The following FMN2 variants were observed in gnomAD, a reference collection of about 807,000 sequenced individuals.
FMN2 encodes formin-2.
In FMN2, 51 loss-of-function variants were observed where a neutral mutation model predicts 142.3. That is an observed-to-expected ratio of 0.36 (90% CI 0.29 to 0.45). FMN2 has a LOEUF of 0.45. Among genes scored for constraint, FMN2 ranks in the 20% least tolerant of loss-of-function variants. The pLI, the probability that FMN2 is intolerant of heterozygous loss-of-function variation, is 1.00. For synonymous variants in FMN2, 882 were observed against 869.8 expected (o/e 1.01, Z -0.25); for missense variants, 1,936 against 2,122.8 (o/e 0.91, Z 1.73).
chr1:240,254,116 G>T (rs957825645), intron 6 of FMN2, among the ~76,000 whole-genome samples: 40 of 152,164 alleles, frequency 2.6e-4, no homozygotes, highest in Middle Eastern at 3.2e-3. Context: ...AGCAGTGGAA[G>T]AAGTGGGCTG....
rs191763135 is a variant in FMN2, at chr1:240,131,766, A to G, written c.1782+8421A>G. Among the ~76,000 whole-genome samples the G allele has an allele frequency of 2.2e-3, 336 of 152,278 alleles. 2 individuals carry two copies. Among genetic ancestry groups the G allele is most frequent in the Middle Eastern group, 6.8e-3 (2 of 294 alleles). On this transcript the variant is annotated intron_variant, in intron 2 of 17. Transcript: ENST00000319653. ...AGCACATAGAAAGGCACAGGGGTGCATGTGAGCACAGTTTCTAAGTATTTC... is the reference window on the plus strand; with the variant it reads ...AGCACATAGAAAGGCACAGGGGTGCGTGTGAGCACAGTTTCTAAGTATTTC...
chr1:240,424,898 T>C (rs1276005697), intron 15 of FMN2, among the ~76,000 whole-genome samples: 1 of 152,218 alleles, frequency 6.6e-6, no homozygotes, highest in Non-Finnish European at 1.5e-5. Context: ...AGGCCCCTTG[T>C]TCAGGAGACA....
intron 14 of FMN2, among the ~76,000 whole-genome samples, chr1:240,373,055 A>C (rs1672925718): frequency 6.6e-6 from 1 of 152,026 alleles, no homozygotes; most frequent in Non-Finnish European, 1.5e-5. Flanking sequence ...GTGGTGGTGC[A>C]CACCTGTAAT....
At chr1:240,311,554 A>G (rs1249744543) in intron 8 of FMN2, among the ~76,000 whole-genome samples, 1 of 152,154 alleles carries the variant, frequency 6.6e-6, no homozygotes, top group African/African-American at 2.4e-5. Flanking sequence ...AAAAAAAAAG[A>G]AAAGCTTTGG....
At chr1:240,161,644 A>G (rs1028275133) in intron 2 of FMN2, among the ~76,000 whole-genome samples, 10 of 152,214 alleles carry the variant, frequency 6.6e-5, no homozygotes, top group African/African-American at 2.4e-4. Context: ...AGAAACACAC[A>G]GTGGAACAGA....
chr1:240,255,461 A>G (rs970707875), intron 6 of FMN2, among the ~76,000 whole-genome samples: 13 of 152,154 alleles, frequency 8.5e-5, no homozygotes, highest in South Asian at 2.1e-4. Context: ...TGGGAGATCA[A>G]TCAGAAATCT....
At chr1:240,125,978 G>A (rs1200023860) in intron 2 of FMN2, among the ~76,000 whole-genome samples, 2 of 152,030 alleles carry the variant, frequency 1.3e-5, no homozygotes, top group Non-Finnish European at 2.9e-5. Flanking sequence ...GGCTCTGTAC[G>A]ACCTCTCTAC....
intron 7 of FMN2, among the ~76,000 whole-genome samples, chr1:240,276,273 G>A (rs1669205492): frequency 6.6e-6 from 1 of 152,064 alleles, no homozygotes; most frequent in Non-Finnish European, 1.5e-5. Context: ...GTGAAGAGGT[G>A]GTTTTAACAA....
chr1:240,142,194 T>G (rs1011792955), intron 2 of FMN2, among the ~76,000 whole-genome samples: 3 of 152,100 alleles, frequency 2.0e-5, no homozygotes, highest in Admixed American at 6.5e-5. Flanking sequence ...TTTCTGATAT[T>G]GAGCTTCTCA....
At chr1:240,195,306 A>C (rs887663855) in intron 4 of FMN2, among the ~76,000 whole-genome samples, 1 of 152,196 alleles carries the variant, frequency 6.6e-6, no homozygotes, top group Non-Finnish European at 1.5e-5. Context: ...TCTGTAAATA[A>C]GAGTGTTTTT....
chr1:240,286,617 G>T (rs1669599570), intron 7 of FMN2, among the ~76,000 whole-genome samples: 1 of 151,978 alleles, frequency 6.6e-6, no homozygotes, highest in African/African-American at 2.4e-5. Flanking sequence ...AGTCCTTATG[G>T]GTTTACTTTT....
At chr1:240,117,267 C>T (rs1209892394) in intron 1 of FMN2, among the ~76,000 whole-genome samples, 2 of 152,136 alleles carry the variant, frequency 1.3e-5, no homozygotes, top group Non-Finnish European at 2.9e-5. Flanking sequence ...AAGAACGGGT[C>T]AGGTGGGGAG....
intron 4 of FMN2, among the ~76,000 whole-genome samples, chr1:240,192,663 A>C (rs1486602148): frequency 6.6e-6 from 1 of 152,164 alleles, no homozygotes; most frequent in Non-Finnish European, 1.5e-5. Flanking sequence ...AATCATTCTT[A>C]GGTCCTCAAT....
chr1:240,131,411 G>A (rs1571961080), intron 2 of FMN2, among the ~76,000 whole-genome samples: 1 of 152,152 alleles, frequency 6.6e-6, no homozygotes, highest in East Asian at 1.9e-4. Flanking sequence ...GAACAGCCAT[G>A]AAAGAAGTCT....
At chr1:240,338,771 G>C (rs752184678) in intron 13 of FMN2, among the ~76,000 whole-genome samples, 2 of 152,102 alleles carry the variant, frequency 1.3e-5, no homozygotes, top group African/African-American at 4.8e-5. Context: ...AGGATGATTC[G>C]AGGGCATTAC....
intron 6 of FMN2, chr1:240,235,668 A>G (rs1480847423): frequency 6.6e-6 from 1 of 151,982 alleles, no homozygotes; most frequent in Admixed American, 6.6e-5. Context: ...TGATCCACCC[A>G]CCTCGGCCTC....
At chr1:240,293,425 C>T (rs894913082) in intron 7 of FMN2, among the ~76,000 whole-genome samples, 9 of 152,120 alleles carry the variant, frequency 5.9e-5, no homozygotes, top group Admixed American at 2.6e-4. Flanking sequence ...GTAAGATATT[C>T]TTGAAGAGCT....
At chr1:240,154,264 A>G (rs115709170) in intron 2 of FMN2, among the ~76,000 whole-genome samples, 3,012 of 152,226 alleles carry the variant, frequency 0.02, 84 homozygotes, top group African/African-American at 0.068. Context: ...AACACAGTCA[A>G]TGCTGACACA....
chr1:240,285,912 C>T (rs930743465), intron 7 of FMN2, among the ~76,000 whole-genome samples: 1 of 151,844 alleles, frequency 6.6e-6, no homozygotes, highest in Non-Finnish European at 1.5e-5. Flanking sequence ...TTTTTTTCCC[C>T]CGCTCTGGTT....
Sources: gnomAD v4.1 joint callset for allele counts (sites outside exome capture counted in the v4.1 genomes callset) on GRCh38, gnomAD v4.1.1 for gene constraint, MANE v1.5 for transcripts, NCBI Gene and HGNC (gene_info 2026-07-23, HGNC 2026-07-21) for gene names.